CPNE8: variants seen among roughly 807,000 people sequenced by gnomAD.
CPNE8 encodes the protein copine-8.
A neutral mutation model predicts 81.5 loss-of-function variants in CPNE8; 45 were observed. The observed-to-expected ratio is 0.55, with a 90% CI of 0.44 to 0.71. CPNE8 has a LOEUF of 0.71. CPNE8 is among the 30% of genes least tolerant of loss of function. The pLI is 0.00. For synonymous variants in CPNE8, 252 were observed against 226.3 expected, an observed-to-expected ratio of 1.11 and a Z score of -1.02; for missense variants, 594 against 672.1, an observed-to-expected ratio of 0.88 and a Z score of 1.28.
chr12:38,755,239 G>A (rs1941432168), intron 10 of CPNE8, among the ~76,000 whole-genome samples: 1 of 152,074 alleles, frequency 6.6e-6, no homozygotes, highest in South Asian at 2.1e-4. Flanking sequence ...ATACAGAGTG[G>A]TAAAAATGAA....
intron 14 of CPNE8, among the ~76,000 whole-genome samples, chr12:38,698,238 C>T (rs1429076746): frequency 2.0e-5 from 3 of 152,054 alleles, no homozygotes; most frequent in African/African-American, 7.2e-5. Context: ...GATCCTTTGC[C>T]CACTTTTAAC....
intron 1 of CPNE8, among the ~76,000 whole-genome samples, chr12:38,882,669 A>C (rs1420725438): frequency 6.6e-6 from 1 of 152,064 alleles, no homozygotes; most frequent in Non-Finnish European, 1.5e-5. Context: ...CGCTTGAGCA[A>C]ATGCCTCGCT....
intron 6 of CPNE8, among the ~76,000 whole-genome samples, chr12:38,789,229 G>A (rs138972777): frequency 5.8e-4 from 88 of 151,976 alleles, no homozygotes; most frequent in African/African-American, 2.1e-3. Flanking sequence ...AACCAAAATA[G>A]CATAGTACTG....
At chr12:38,688,870 G>A (rs1565568174) in intron 15 of CPNE8, among the ~76,000 whole-genome samples, 1 of 152,132 alleles carries the variant, frequency 6.6e-6, no homozygotes, top group Non-Finnish European at 1.5e-5. Context: ...CACTGCTCAG[G>A]TGATGGGTGC....
chr12:38,862,684 C>T (rs1413797807), intron 3 of CPNE8, among the ~76,000 whole-genome samples: 1 of 152,170 alleles, frequency 6.6e-6, no homozygotes, highest in Non-Finnish European at 1.5e-5. Context: ...TGCAATGGCT[C>T]ACGCCTGTAA....
chr12:38,733,410 T>C (rs1441095921), intron 10 of CPNE8, among the ~76,000 whole-genome samples: 4 of 152,000 alleles, frequency 2.6e-5, no homozygotes, highest in African/African-American at 9.7e-5. Flanking sequence ...ATTAATATTT[T>C]ATCTGTTCAT....
intron 1 of CPNE8, among the ~76,000 whole-genome samples, chr12:38,878,359 C>T (rs968394483): frequency 3.9e-5 from 6 of 152,062 alleles, no homozygotes; most frequent in Non-Finnish European, 7.4e-5. Context: ...GTGTATTTTG[C>T]GTGAAATGTA....
chr12:38,905,546 G>A lies in CPNE8; in HGVS notation c.-12C>T. 6.4e-7 allele frequency: 1 copy of A among 1,554,690 alleles called. No homozygotes were observed. ...TAGCGGCTGTCCATATTGGGAGGAG[G>A]CGCCTTGGACTTGTCCGGCGCCCAC... On this transcript the variant is annotated 5_prime_UTR_variant, in exon 1 of 20. Transcript: ENST00000331366.
chr12:38,670,707 T>C, intron 19 of CPNE8, 22 bp downstream of exon 19: 1 of 1,541,972 alleles, frequency 6.5e-7, no homozygotes, highest in South Asian at 1.2e-5. Context: ...AATAGTAAAG[T>C]AGGAAAAGGT....
At chr12:38,861,034 A>G (rs975089589) in intron 3 of CPNE8, among the ~76,000 whole-genome samples, 1 of 152,166 alleles carries the variant, frequency 6.6e-6, no homozygotes, top group Non-Finnish European at 1.5e-5. Context: ...GGAAATATAC[A>G]ATGGAATATT....
chr12:38,797,547 G>A (rs1942522841), intron 6 of CPNE8, among the ~76,000 whole-genome samples: 1 of 152,244 alleles, frequency 6.6e-6, no homozygotes, highest in East Asian at 1.9e-4. Context: ...AACCCCATCT[G>A]TACATCACCA....
intron 16 of CPNE8, among the ~76,000 whole-genome samples, chr12:38,679,209 T>C (rs146111129): frequency 2.0e-5 from 3 of 151,904 alleles, no homozygotes; most frequent in African/African-American, 7.2e-5. Context: ...AAATGTAAAA[T>C]ATCTACCAGA....
At chr12:38,904,470 G>GTTT (rs11343890) in intron 1 of CPNE8, among the ~76,000 whole-genome samples, 10 of 120,302 alleles carry the variant, frequency 8.3e-5, no homozygotes, top group African/African-American at 2.6e-4. Flanking sequence ...GTTTTTTTTT[G>GTTT]TTTTTTTTTT....
intron 11 of CPNE8, 37 bp downstream of exon 11, chr12:38,730,246 C>A (rs1407591021): frequency 8.1e-7 from 1 of 1,239,818 alleles, no homozygotes; most frequent in Non-Finnish European, 1.2e-6. Flanking sequence ...TTTATTTATT[C>A]TAGAAAAAAA....
intron 6 of CPNE8, among the ~76,000 whole-genome samples, chr12:38,824,418 G>A (rs561734108): frequency 6.6e-6 from 1 of 151,964 alleles, no homozygotes; most frequent in South Asian, 2.1e-4. Flanking sequence ...ATTCTAAGTT[G>A]TCTCCTTTAA....
chr12:38,795,862 TGG>T (rs1565620168), intron 6 of CPNE8, among the ~76,000 whole-genome samples: 80 of 133,958 alleles, frequency 6.0e-4, no homozygotes, highest in African/African-American at 2.1e-3. Context: ...GATAGATGGA[TGG>T]ATGGATAGAT....
chr12:38,825,679 A>G (rs570670479), intron 6 of CPNE8, among the ~76,000 whole-genome samples: 125 of 152,302 alleles, frequency 8.2e-4, no homozygotes, highest in Middle Eastern at 6.8e-3. Context: ...CTTGTTCTTC[A>G]ATCCACATGT....
intron 3 of CPNE8, among the ~76,000 whole-genome samples, chr12:38,853,588 A>G (rs1018469582): frequency 6.6e-6 from 1 of 152,136 alleles, no homozygotes; most frequent in Non-Finnish European, 1.5e-5. Context: ...AAAAGTGTGT[A>G]AACTTAAATT....
chr12:38,881,126 C>T (rs953328619), intron 1 of CPNE8, among the ~76,000 whole-genome samples: 2 of 151,180 alleles, frequency 1.3e-5, no homozygotes, highest in African/African-American at 4.9e-5. Context: ...AGGAGAATGG[C>T]GTGAACCCGG....
Sources: gnomAD v4.1 joint callset for allele counts (sites outside exome capture counted in the v4.1 genomes callset) on GRCh38, gnomAD v4.1.1 for gene constraint, MANE v1.5 for transcripts, NCBI Gene and HGNC (gene_info 2026-07-23, HGNC 2026-07-21) for gene names.